ABCC9: variants seen among roughly 807,000 people sequenced by gnomAD.
ABCC9 encodes the protein ATP-binding cassette sub-family C member 9.
ABCC9 carries 95 observed loss-of-function variants against 188.3 expected under a neutral mutation model. The observed-to-expected ratio is 0.50, with a 90% confidence interval of 0.43 to 0.60. ABCC9 has a LOEUF of 0.60. ABCC9 is among the 20% of genes least tolerant of loss of function. The pLI is 0.00. For synonymous variants in ABCC9, 659 were observed against 652.7 expected (o/e 1.01, Z -0.15); for missense variants, 1,102 against 1,876.3 (o/e 0.59, Z 7.62).
At chr12:21,882,647 T>A (rs1946678501) in intron 16 of ABCC9, 119 bp downstream of exon 16, 1 of 880,832 alleles carries the variant, frequency 1.1e-6, no homozygotes, top group African/African-American at 1.7e-5. Flanking sequence ...GTTATTAGGG[T>A]TAATGACAAC....
At chr12:21,807,714 T>C (rs1381594080) in intron 37 of ABCC9, among the ~76,000 whole-genome samples, 4 of 152,214 alleles carry the variant, frequency 2.6e-5, no homozygotes, top group African/African-American at 7.2e-5. Context: ...TAGGAGGATA[T>C]AAAACATTTG....
At chr12:21,850,374 C>G (rs1565737781) in intron 24 of ABCC9, among the ~76,000 whole-genome samples, 1 of 151,924 alleles carries the variant, frequency 6.6e-6, no homozygotes, top group Admixed American at 6.6e-5. Flanking sequence ...AATTCAGGTG[C>G]CTGCCTTTTG....
intron 30 of ABCC9, among the ~76,000 whole-genome samples, chr12:21,829,285 T>G (rs1943584949): frequency 7.5e-6 from 1 of 132,456 alleles, no homozygotes; most frequent in Non-Finnish European, 1.6e-5. Flanking sequence ...CACTGCAAGC[T>G]CCGCCTCCCG....
In ABCC9 at chr12:21,800,748, G is replaced by A. The variant is rs769057774; in HGVS notation, c.*296C>T. 2 of 380,988 alleles carry A rather than the reference G, an allele frequency of 5.2e-6. No individual in the cohort carries two copies. Among genetic ancestry groups the A allele is most frequent in the Admixed American group, 4.1e-5 (1 of 24,298 alleles). 23.6% of individuals were successfully genotyped at this position (380,988 alleles called of 1,614,324 possible). The stretch of plus-strand genomic sequence containing the variant: ...CTGAGAGATATTTACCAGACTTAAA[G>A]TTAGGAGAAAACTTTAGCTATTGAT... On this transcript the variant is annotated 3_prime_UTR_variant, in exon 40 of 40. Transcript: ENST00000261200.
At chr12:21,866,546 G>A (rs1450401104) in intron 18 of ABCC9, among the ~76,000 whole-genome samples, 3 of 152,132 alleles carry the variant, frequency 2.0e-5, no homozygotes, top group Non-Finnish European at 2.9e-5. Flanking sequence ...TAAGCTTCAT[G>A]AAAATAGGGG....
At chr12:21,834,872 A>G (rs1375441825) in intron 30 of ABCC9, among the ~76,000 whole-genome samples, 1 of 150,856 alleles carries the variant, frequency 6.6e-6, no homozygotes, top group Non-Finnish European at 1.5e-5. Flanking sequence ...CTTTCCCACC[A>G]TTAACTTCTC....
In ABCC9 at chr12:21,917,110, A is replaced by T; in HGVS notation, c.407-7T>A. ...ACCCAATACAGGAACAGGGCTGAAA[A>T]GAAAAAGACAAAAAGAGAAAGATGC... On this transcript the variant is annotated splice_region_variant and splice_polypyrimidine_tract_variant and intron_variant, in intron 5 of 39. Transcript: ENST00000261200. 1 of 1,613,334 alleles carries T rather than the reference A, an allele frequency of 6.2e-7. No individual in the cohort carries two copies. Among genetic ancestry groups the T allele is most frequent in the Non-Finnish European group, 8.5e-7 (1 of 1,179,410 alleles).
At position 21,862,566 on chromosome 12, in the gene ABCC9, C is replaced by T. The variant is rs188423649; in HGVS notation, c.2339+387G>A. Among the ~76,000 whole-genome samples, 71 of 142,678 alleles carry T rather than the reference C, an allele frequency of 5.0e-4. 1 individual carries two copies. Among genetic ancestry groups the T allele is most frequent in the Non-Finnish European group, 1.0e-3 (65 of 65,220 alleles). 93.6% of individuals were successfully genotyped at this position (142,678 alleles called of 152,430 possible). A position where few individuals can be genotyped will look rare whatever the true frequency, so the allele number is the denominator to read the frequency against. ...TTCTGGCTGTTCCCAGTCACCAGAC[C>T]CCTCAGGTCCTATATTCTTCTTCTT... On this transcript the variant is annotated intron_variant, in intron 20 of 39. Coordinates refer to ENST00000261200, the MANE Select transcript of ABCC9 (RefSeq NM_020297.4).
rs540515153 is a variant in ABCC9 at position 21,829,392 on chromosome 12, G to A, written c.3567-332C>T. ...AATTTTTTGTATTTTTAGTAGAGAC[G>A]AGGTTTCACCGTGTTAGCCAGGATG... On this transcript the variant is annotated intron_variant, in intron 30 of 39. Transcript: ENST00000261200. Among the ~76,000 whole-genome samples the A allele has an allele frequency of 7.7e-4, 117 of 151,748 alleles. 3 individuals are homozygous for A. In the South Asian group the frequency reaches 0.023, roughly 30 times the overall value.
At chr12:21,869,440 A>T (rs1302773448) in intron 18 of ABCC9, 2 of 152,206 alleles carry the variant, frequency 1.3e-5, no homozygotes, top group Non-Finnish European at 2.9e-5. Context: ...CACAAGTCCG[A>T]ATCATTTTTT....
At chr12:21,869,426 ACAC>A (rs1945950619) in intron 18 of ABCC9, among the ~76,000 whole-genome samples, 1 of 152,204 alleles carries the variant, frequency 6.6e-6, no homozygotes, top group Non-Finnish European at 1.5e-5. Context: ...TTCATTCTTC[ACAC>A]CACAAGTCCG....
Position 21,798,593 on chromosome 12 carries a change from T to G in ABCC9, c.*2451A>C, listed in dbSNP as rs1318487033. ...TTGTCAGATGAGTAGGTTGCGAAAA[T>G]TTTCTCCCATGTTGTAGGTTGCCTG... is the stretch of plus-strand genomic sequence containing the variant. On this transcript the variant is annotated 3_prime_UTR_variant, in exon 40 of 40. Transcript: ENST00000261200. The G allele has an allele frequency of 6.6e-6, 1 of 151,204 alleles. No individual in the cohort carries two copies. Among genetic ancestry groups the G allele is most frequent in the African/African-American group, 2.4e-5 (1 of 41,028 alleles). The allele number at this position is 151,204 out of a possible 1,614,324, so 9.4% of individuals were successfully genotyped here.
At chr12:21,872,788 A>G in intron 17 of ABCC9, 58 bp from the exon 18 acceptor site, 2 of 1,269,360 alleles carry the variant, frequency 1.6e-6, no homozygotes, top group South Asian at 2.4e-5. Context: ...GTGAAATAAC[A>G]TCAAAACACA....
Position 21,806,075 on chromosome 12 carries a change from AAG to A in ABCC9, c.4450-17_4450-16del, listed in dbSNP as rs1491313418. On this transcript the variant is annotated splice_polypyrimidine_tract_variant and intron_variant, in intron 38 of 39. Transcript: ENST00000261200. ...AAAATATTCTCCTGCAAAAAAAAAA[AAG>A]TGTAAATTTTCTCGGGATTACTTTG... The A allele has an allele frequency of 3.7e-6, 6 of 1,609,162 alleles. No individual in the cohort carries two copies. Among genetic ancestry groups the A allele is most frequent in the East Asian group, 2.2e-5 (1 of 44,842 alleles).
intron 5 of ABCC9, chr12:21,923,738 A>T (rs1461328267): frequency 1.6e-6 from 1 of 644,020 alleles, no homozygotes; most frequent in East Asian, 2.8e-5. Flanking sequence ...ACATTTACCC[A>T]CTTATTGTAT....
At position 21,915,233 on chromosome 12, in the gene ABCC9, G is replaced by A. The variant is rs1371557488; in HGVS notation, c.816+435C>T. Among the ~76,000 whole-genome samples the A allele has an allele frequency of 1.8e-3, 159 of 86,864 alleles. 1 individual carries two copies. The highest frequency in any genetic ancestry group is 6.7e-3 in the Middle Eastern group (1 of 150). 57.0% of individuals were successfully genotyped at this position (86,864 alleles called of 152,430 possible). A position where few individuals can be genotyped will look rare whatever the true frequency, so the allele number is the denominator to read the frequency against. ...TGTGTCTTTATATATATATGTGTGTGTGTGTGTGTGTGTGTGTGTGTGTGT... is the reference window on the plus strand; with the variant it reads ...TGTGTCTTTATATATATATGTGTGTATGTGTGTGTGTGTGTGTGTGTGTGT... On this transcript the variant is annotated intron_variant, in intron 7 of 39. Coordinates refer to ENST00000261200, the MANE Select transcript of ABCC9 (RefSeq NM_020297.4).
intron 15 of ABCC9, among the ~76,000 whole-genome samples, chr12:21,886,387 C>G (rs192803960): frequency 6.6e-6 from 1 of 152,164 alleles, no homozygotes; most frequent in African/African-American, 2.4e-5. Flanking sequence ...TCTCCTCCAT[C>G]CAATCTATCA....
At chr12:21,912,774 C>A in intron 8 of ABCC9, 98 bp downstream of exon 8, 3 of 1,078,120 alleles carry the variant, frequency 2.8e-6, no homozygotes, top group Non-Finnish European at 4.0e-6. Context: ...TGAAAAAAAG[C>A]CTATTTGAAC....
chr12:21,837,935 T>A (rs1389357752), intron 30 of ABCC9, 143 bp downstream of exon 30: 1 of 738,072 alleles, frequency 1.4e-6, no homozygotes, highest in Non-Finnish European at 2.4e-6. Context: ...TACACCAAAT[T>A]TTTCTTATTC....
Sources: allele counts gnomAD v4.1 joint callset (sites outside exome capture counted in the v4.1 genomes callset), GRCh38; gene constraint gnomAD v4.1.1; transcripts MANE v1.5; gene names NCBI Gene and HGNC (gene_info 2026-07-23, HGNC 2026-07-21).